L3MBTL4: variants seen among roughly 807,000 people sequenced by gnomAD.
The protein encoded by L3MBTL4 is lethal(3)malignant brain tumor-like protein 4.
Under a neutral mutation model 84.5 loss-of-function variants are expected in L3MBTL4, and 70 were observed. The observed-to-expected ratio is 0.83, with a 90% CI of 0.68 to 1.01. The LOEUF (loss-of-function observed/expected upper bound fraction) is 1.01. Among genes scored for constraint, L3MBTL4 ranks in the 50% least tolerant of loss-of-function variants. The pLI is 0.00. For missense variants in L3MBTL4, 715 were observed against 754.8 expected (o/e 0.95, Z 0.62); for synonymous variants, 274 against 259.8 (o/e 1.05, Z -0.52).
chr18:6,012,015 T>C (rs1049211160), intron 16 of L3MBTL4, among the ~76,000 whole-genome samples: 1 of 152,232 alleles, frequency 6.6e-6, no homozygotes, highest in Non-Finnish European at 1.5e-5. Flanking sequence ...TTGAAGCACA[T>C]TAAATTCAAG....
chr18:5,990,637 T>C (rs567154677), intron 16 of L3MBTL4, among the ~76,000 whole-genome samples: 1 of 152,214 alleles, frequency 6.6e-6, no homozygotes, highest in Admixed American at 6.5e-5. Context: ...TGGATAGTAA[T>C]TGAGTCCCAT....
intron 1 of L3MBTL4, among the ~76,000 whole-genome samples, chr18:6,339,727 C>A (rs1401311975): frequency 3.3e-5 from 5 of 151,968 alleles, no homozygotes; most frequent in Admixed American, 3.3e-4. Context: ...AAAATACAAA[C>A]TGACAATATC....
chr18:6,290,274 GTTTT>G (rs75169205), intron 4 of L3MBTL4, among the ~76,000 whole-genome samples: 1 of 140,704 alleles, frequency 7.1e-6, no homozygotes, highest in African/African-American at 2.6e-5. Flanking sequence ...CTGCAGAAGG[GTTTT>G]TTTTTTTTTT....
chr18:6,093,333 A>G, intron 15 of L3MBTL4, 22 bp downstream of exon 15: 1 of 1,576,576 alleles, frequency 6.3e-7, no homozygotes, highest in African/African-American at 1.4e-5. Flanking sequence ...TTTCTGGCTC[A>G]CATTTTTAAG....
intron 13 of L3MBTL4, among the ~76,000 whole-genome samples, chr18:6,141,653 C>T (rs1268771383): frequency 6.6e-6 from 1 of 152,120 alleles, no homozygotes; most frequent in Non-Finnish European, 1.5e-5. Flanking sequence ...TCAATCGGTC[C>T]TCAATTTTTC....
At chr18:5,958,078 A>AGAAGAAGAG (rs2095239732) in intron 18 of L3MBTL4, among the ~76,000 whole-genome samples, 1 of 50,898 alleles carries the variant, frequency 2.0e-5, no homozygotes, top group Non-Finnish European at 2.9e-5. Context: ...AAGAAGAAGA[A>AGAAGAAGAG]GAAGAAGAAG....
intron 16 of L3MBTL4, chr18:6,030,094 CTG>C: frequency 1.0e-6 from 1 of 977,512 alleles, no homozygotes; most frequent in Non-Finnish European, 1.2e-6. Flanking sequence ...CACGAGGAAA[CTG>C]TTTAACAATG....
intron 14 of L3MBTL4, among the ~76,000 whole-genome samples, chr18:6,133,601 G>GA (rs1166334438): frequency 6.6e-6 from 1 of 151,842 alleles, no homozygotes; most frequent in Non-Finnish European, 1.5e-5. Context: ...AACAGATTGT[G>GA]AAAAAAAATG....
At chr18:6,047,456 G>T (rs1488971798) in intron 16 of L3MBTL4, among the ~76,000 whole-genome samples, 2 of 151,938 alleles carry the variant, frequency 1.3e-5, no homozygotes, top group Non-Finnish European at 2.9e-5. Context: ...TGAAAAAAAA[G>T]ATTTCAGGCC....
chr18:6,037,989 G>A (rs1299189866), intron 16 of L3MBTL4, among the ~76,000 whole-genome samples: 2 of 152,100 alleles, frequency 1.3e-5, no homozygotes, highest in Non-Finnish European at 2.9e-5. Context: ...AGGATAACGG[G>A]GTGAAATAAC....
chr18:6,310,259 A>G (rs942312325), intron 3 of L3MBTL4, among the ~76,000 whole-genome samples: 4 of 152,230 alleles, frequency 2.6e-5, no homozygotes, highest in African/African-American at 9.6e-5. Context: ...GTCTGGTCCA[A>G]GACACCTCTT....
At chr18:6,063,647 T>A in intron 16 of L3MBTL4, among the ~76,000 whole-genome samples, 1 of 149,250 alleles carries the variant, frequency 6.7e-6, no homozygotes, top group East Asian at 1.9e-4. Context: ...GCAGTTTGTA[T>A]GTCTTCTTTT....
In L3MBTL4 at chr18:6,414,230, C is replaced by G. The variant is rs1388234396; in HGVS notation, c.-91+571G>C. ...CGCTCCCGAGGCTGGGCAGAACTCG[C>G]AGAGGAAGACAAGGGCAGAAAGCGG... On this transcript the variant is annotated intron_variant, in intron 1 of 18. Coordinates refer to ENST00000317931, the MANE Select transcript of L3MBTL4 (RefSeq NM_001330559.2). This position sits in a 1 kb window ranked among gnomAD's most constrained non-coding sequence, Gnocchi z 5.4. The G allele has an allele frequency of 6.6e-6, 1 of 152,456 alleles. No individual in the cohort carries two copies. The highest frequency in any genetic ancestry group is 1.5e-5 in the Non-Finnish European group (1 of 68,240). The allele number at this position is 152,456 out of a possible 1,614,324, so 9.4% of individuals were successfully genotyped here.
rs187205738 is a variant in L3MBTL4 at position 5,988,786 on chromosome 18, C to T, written c.1445-19224G>A. On this transcript the variant is annotated intron_variant, in intron 16 of 18. Transcript: ENST00000317931. ...AGGAGATGTGGGCATCTGGCGATGC[C>T]CATACCAATTAAAAGAGTTTCTAGG... Among the ~76,000 whole-genome samples the T allele has an allele frequency of 2.2e-3, 337 of 152,118 alleles. 2 individuals are homozygous for T. Among genetic ancestry groups the T allele is most frequent in the Admixed American group, 6.6e-3 (101 of 15,286 alleles).
chr18:5,990,340 G>T (rs1309521926), intron 16 of L3MBTL4, among the ~76,000 whole-genome samples: 3 of 152,170 alleles, frequency 2.0e-5, no homozygotes, highest in Non-Finnish European at 2.9e-5. Context: ...TTAACTCAAA[G>T]AAATCTATGT....
chr18:6,412,025 G>A (rs2055986695), intron 1 of L3MBTL4, among the ~76,000 whole-genome samples: 1 of 152,260 alleles, frequency 6.6e-6, no homozygotes, highest in Admixed American at 6.5e-5. Context: ...TAGGGTACGT[G>A]TGCAGGTTGG....
In L3MBTL4 at chr18:6,008,596, G is replaced by A. The variant is rs948140610; in HGVS notation, c.1445-39034C>T. On this transcript the variant is annotated intron_variant, in intron 16 of 18. Transcript: ENST00000317931. Reference sequence around the variant, plus strand: ...TTCCTTTTCTTACAAGGGCATAATCGTGTCTGGGGGCTTCACCCTCATGGC... The same window carrying A: ...TTCCTTTTCTTACAAGGGCATAATCATGTCTGGGGGCTTCACCCTCATGGC... Among the ~76,000 whole-genome samples the A allele has an allele frequency of 8.5e-5, 13 of 152,094 alleles. No homozygotes were observed. The East Asian group carries it at 1.2e-3, about 14-fold the overall frequency.
At chr18:6,233,504 C>T (rs948059229) in intron 10 of L3MBTL4, among the ~76,000 whole-genome samples, 9 of 149,802 alleles carry the variant, frequency 6.0e-5, no homozygotes, top group Non-Finnish European at 1.2e-4. Context: ...GCAAAAATCA[C>T]AAGCATTCTT....
intron 12 of L3MBTL4, among the ~76,000 whole-genome samples, chr18:6,211,961 G>A (rs780525245): frequency 6.6e-6 from 1 of 152,130 alleles, no homozygotes; most frequent in Non-Finnish European, 1.5e-5. Context: ...CTTTTAAAAT[G>A]AAAGTTAATA....
Sources: gnomAD v4.1 joint callset for allele counts (sites outside exome capture counted in the v4.1 genomes callset) on GRCh38, gnomAD v4.1.1 for gene constraint, Gnocchi (gnomAD v3.1) non-coding constraint, MANE v1.5 for transcripts, NCBI Gene and HGNC (gene_info 2026-07-23, HGNC 2026-07-21) for gene names.